MYBL2: variants seen among roughly 807,000 people sequenced by gnomAD.
MYBL2 encodes myb-related protein B.
In MYBL2, 28 loss-of-function variants were observed where a neutral mutation model predicts 79.9. That is an observed-to-expected ratio of 0.35 (90% CI 0.26 to 0.48). The LOEUF is 0.48. Among genes scored for constraint, MYBL2 ranks in the 20% least tolerant of loss-of-function variants. The pLI, the probability that MYBL2 is intolerant of heterozygous loss-of-function variation, is 0.99. For missense variants in MYBL2, 735 were observed against 893.9 expected, an observed-to-expected ratio of 0.82 and a Z score of 2.27; for synonymous variants, 378 against 361.2, an observed-to-expected ratio of 1.05 and a Z score of -0.53.
At chr20:43,690,296 C>G (rs184096149) in intron 5 of MYBL2, among the ~76,000 whole-genome samples, 47 of 151,988 alleles carry the variant, frequency 3.1e-4, no homozygotes, top group African/African-American at 1.0e-3. Context: ...ACCTCCGCGT[C>G]CCAGGTTCAA....
chr20:43,667,438 C>T (rs1405532657), intron 1 of MYBL2, 135 bp downstream of exon 1: 1 of 601,368 alleles, frequency 1.7e-6, no homozygotes, highest in Admixed American at 4.8e-5. Flanking sequence ...GGTGTTTCCG[C>T]GGAAATGCTG....
intron 6 of MYBL2, among the ~76,000 whole-genome samples, chr20:43,697,429 G>A (rs571265574): frequency 1.3e-5 from 2 of 152,124 alleles, no homozygotes; most frequent in Non-Finnish European, 2.9e-5. Flanking sequence ...GGCCAATACG[G>A]TGAAACCCCA....
At chr20:43,711,940 C>T (rs1278549697) in intron 11 of MYBL2, among the ~76,000 whole-genome samples, 1 of 152,114 alleles carries the variant, frequency 6.6e-6, no homozygotes, top group East Asian at 1.9e-4. Context: ...GAGACAGATG[C>T]TAGACAGACA....
At chr20:43,702,075 C>T (rs918838644) in intron 7 of MYBL2, among the ~76,000 whole-genome samples, 5 of 151,962 alleles carry the variant, frequency 3.3e-5, no homozygotes, top group South Asian at 4.2e-4. Context: ...TGCAGTGAGC[C>T]GAGGTTGCAC....
Position 43,715,988 on chromosome 20 carries a change from C to T in MYBL2, c.2004C>T (p.Cys668=), listed in dbSNP as rs771123108. Residue 668 remains cysteine (C), a synonymous_variant, in exon 14 of 14, where the codon TGC becomes TGT. Transcript: ENST00000217026. ...CCAGTGCCTGGAAGACGGTGGCCTG[C>T]GGGGGGACCAGGGACCAGCTTTTCA... ...PMSSAWKTVA[C]GGTRDQLFMQ... 3.8e-5 allele frequency: 62 copies of T among 1,612,032 alleles called. No homozygotes were observed. In the East Asian group the frequency reaches 9.6e-4, roughly 25 times the overall value.
intron 6 of MYBL2, among the ~76,000 whole-genome samples, chr20:43,696,834 C>G (rs553211302): frequency 2.6e-5 from 4 of 152,302 alleles, no homozygotes; most frequent in Non-Finnish European, 5.9e-5. Context: ...TGAAGTGATT[C>G]TCCTGCCTCA....
rs144305762 is a variant in MYBL2 at position 43,701,138 on chromosome 20, C to T, written c.951+1094C>T. Among the ~76,000 whole-genome samples, 8 of 152,354 alleles carry T rather than the reference C, an allele frequency of 5.3e-5. 1 individual carries two copies. Among genetic ancestry groups the T allele is most frequent in the African/African-American group, 1.9e-4 (8 of 41,580 alleles). ...TCACACAGCCGGTGACCTCCAGGAA[C>T]AGGAGTTAAACCTTGCTGTCCGGCT... On this transcript the variant is annotated intron_variant, in intron 7 of 13. Coordinates refer to ENST00000217026, the MANE Select transcript of MYBL2 (RefSeq NM_002466.4).
At chr20:43,706,718 A>ATT (rs1491241868) in intron 9 of MYBL2, among the ~76,000 whole-genome samples, 1 of 3,336 alleles carries the variant, frequency 3.0e-4, no homozygotes, top group African/African-American at 1.4e-3. Context: ...AAAAAAAAAA[A>ATT]GTTTTTTTTT....
At position 43,705,367 on chromosome 20, in the gene MYBL2, T is replaced by A. The variant is rs1156601631; in HGVS notation, c.1505+9T>A. The A allele has an allele frequency of 6.3e-7, 1 of 1,599,092 alleles. No individual in the cohort carries two copies. Among genetic ancestry groups the A allele is most frequent in the Non-Finnish European group, 8.5e-7 (1 of 1,171,006 alleles). On this transcript the variant is annotated intron_variant, in intron 9 of 13. Coordinates refer to ENST00000217026, the MANE Select transcript of MYBL2 (RefSeq NM_002466.4). ...CACCAGAAACATGCTGCGTGAGTGC[T>A]GCAGTGCCCCCAACCTTCGCCGTCC... is the stretch of plus-strand genomic sequence containing the variant.
intron 7 of MYBL2, among the ~76,000 whole-genome samples, chr20:43,700,742 A>T (rs1221010831): frequency 6.6e-6 from 1 of 152,076 alleles, no homozygotes; most frequent in Non-Finnish European, 1.5e-5. Context: ...CTTAACATAC[A>T]GTCTGCGTGG....
chr20:43,683,902 CTG>C (rs570014919), intron 4 of MYBL2, among the ~76,000 whole-genome samples: 1 of 151,882 alleles, frequency 6.6e-6, no homozygotes, highest in South Asian at 2.1e-4. Flanking sequence ...GAGTCTTACT[CTG>C]TTGCACTGGC....
chr20:43,691,083 A>G (rs1987395224), intron 5 of MYBL2, among the ~76,000 whole-genome samples: 1 of 152,152 alleles, frequency 6.6e-6, no homozygotes, highest in African/African-American at 2.4e-5. Context: ...GACCTTCCAG[A>G]TAAAGAAACC....
At chr20:43,703,678 C>T (rs959769605) in intron 8 of MYBL2, among the ~76,000 whole-genome samples, 2 of 152,120 alleles carry the variant, frequency 1.3e-5, no homozygotes, top group Non-Finnish European at 2.9e-5. Context: ...GTTTGTTCTT[C>T]CTGTGAGGCT....
At position 43,702,786 on chromosome 20, in the gene MYBL2, G is replaced by A. The variant is rs2145729009; in HGVS notation, c.1248G>A (p.Arg416=). The change falls in exon 8 of 14, where the codon AGG becomes AGA. Residue 416 remains arginine, a synonymous_variant. Transcript: ENST00000217026. ...CTGTGCTCAAGCGGCAGAGGAAGAG[G>A]CGTGTGGCTCTGTCCCCTGTCACTG... ...PPSVLKRQRK[R]RVALSPVTEN... The A allele has an allele frequency of 6.2e-7, 1 of 1,614,192 alleles. No homozygotes were observed. Among genetic ancestry groups the A allele is most frequent in the East Asian group, 2.2e-5 (1 of 44,880 alleles).
chr20:43,668,962 G>C (rs927411060), intron 1 of MYBL2, among the ~76,000 whole-genome samples: 1 of 152,004 alleles, frequency 6.6e-6, no homozygotes, highest in East Asian at 1.9e-4. Flanking sequence ...TGCCTCCCGG[G>C]TTCAAGGAAT....
intron 11 of MYBL2, among the ~76,000 whole-genome samples, chr20:43,712,169 C>T (rs2145735930): frequency 6.6e-6 from 1 of 152,246 alleles, no homozygotes; most frequent in African/African-American, 2.4e-5. Context: ...TGTCCCAAGC[C>T]TCCGTTCTAT....
At chr20:43,683,379 G>A (rs1370157965) in intron 4 of MYBL2, among the ~76,000 whole-genome samples, 1 of 152,114 alleles carries the variant, frequency 6.6e-6, no homozygotes, top group Non-Finnish European at 1.5e-5. Context: ...GAGAGAGCAA[G>A]GCTCAGAGAG....
Position 43,687,080 on chromosome 20 carries a change from GTCT to G in MYBL2, c.500+13_500+15del, listed in dbSNP as rs371498436. 39 of 1,611,260 alleles carry G rather than the reference GTCT, an allele frequency of 2.4e-5. No homozygotes were observed. The East Asian group carries it at 8.5e-4, about 35-fold the overall frequency. On this transcript the variant is annotated intron_variant, in intron 5 of 13. Coordinates refer to ENST00000217026, the MANE Select transcript of MYBL2 (RefSeq NM_002466.4). ...CAAGATGTTGCCAGGGAGGTAAGCT[GTCT>G]TCTTGGGGGTTGGGACAGGTTCCCG... is the stretch of plus-strand genomic sequence containing the variant.
At chr20:43,668,852 C>T (rs549879695) in intron 1 of MYBL2, among the ~76,000 whole-genome samples, 14 of 152,118 alleles carry the variant, frequency 9.2e-5, no homozygotes, top group African/African-American at 3.1e-4. Flanking sequence ...GGGCACGGGC[C>T]GCCACAACTG....
Sources: gnomAD v4.1 joint callset for allele counts (sites outside exome capture counted in the v4.1 genomes callset) on GRCh38, gnomAD v4.1.1 for gene constraint, MANE v1.5 for transcripts, NCBI Gene and HGNC (gene_info 2026-07-23, HGNC 2026-07-21) for gene names.